PCMTD1: variants seen among roughly 807,000 people sequenced by gnomAD.
The protein encoded by PCMTD1 is protein-L-isoaspartate (D-aspartate) O-methyltransferase domain containing 1, also known as protein-L-isoaspartate O-methyltransferase domain-containing protein 1.
PCMTD1 carries 12 observed loss-of-function variants against 37.6 expected under a neutral mutation model. The ratio of observed to expected loss-of-function variants is 0.32; its 90% CI spans 0.20 to 0.52. The LOEUF (loss-of-function observed/expected upper bound fraction) is 0.52. Ranked by LOEUF, PCMTD1 falls within the 20% of genes least tolerant of loss-of-function variation. The pLI, the probability that PCMTD1 is intolerant of heterozygous loss-of-function variation, is 0.97. For missense variants in PCMTD1, 235 were observed against 421.3 expected (o/e 0.56, Z 3.87); for synonymous variants, 117 against 135.8 (o/e 0.86, Z 0.96).
At chr8:51,851,811 C>T (rs1013966155) in intron 2 of PCMTD1, among the ~76,000 whole-genome samples, 1 of 152,006 alleles carries the variant, frequency 6.6e-6, no homozygotes, top group Admixed American at 6.6e-5. Context: ...CCACCACGCC[C>T]GGCTAATCTG....
intron 3 of PCMTD1, among the ~76,000 whole-genome samples, chr8:51,839,888 G>C (rs537780456): frequency 6.6e-6 from 1 of 152,158 alleles, no homozygotes; most frequent in African/African-American, 2.4e-5. Flanking sequence ...TACACATTTT[G>C]AGTTTTAAGA....
At chr8:51,859,026 T>C (rs1273912958) in intron 2 of PCMTD1, among the ~76,000 whole-genome samples, 3 of 152,180 alleles carry the variant, frequency 2.0e-5, no homozygotes, top group African/African-American at 7.2e-5. Flanking sequence ...GCAACCTCAC[T>C]GCTGGCAAGA....
intron 1 of PCMTD1, among the ~76,000 whole-genome samples, chr8:51,880,038 A>T (rs374522377): frequency 0.013 from 1,963 of 148,398 alleles, 33 homozygotes; most frequent in Middle Eastern, 0.045. Flanking sequence ...AAAAAAGTTT[A>T]AAAAAAAAAA....
intron 5 of PCMTD1, among the ~76,000 whole-genome samples, chr8:51,827,915 C>A (rs1004947236): frequency 6.6e-6 from 1 of 152,100 alleles, no homozygotes; most frequent in Non-Finnish European, 1.5e-5. Context: ...GGCAGTCTTA[C>A]CAGCTACTCA....
In PCMTD1 at chr8:51,861,230, C is replaced by A; in HGVS notation, c.-79G>T. On this transcript the variant is annotated 5_prime_UTR_variant, in exon 2 of 6. Transcript: ENST00000522514. ...TGGCTTCCAATATTGCACTTGATTT[C>A]CAAAAATAAATTAATCCTGGAAGGG... 4.1e-6 allele frequency: 6 copies of A among 1,456,548 alleles called. No homozygotes were observed. Among genetic ancestry groups the A allele is most frequent in the Non-Finnish European group, 5.5e-6 (6 of 1,100,478 alleles). The allele number at this position is 1,456,548 out of a possible 1,614,324, so 90.2% of individuals were successfully genotyped here.
At chr8:51,895,709 G>A (rs1232959277) in intron 1 of PCMTD1, among the ~76,000 whole-genome samples, 1 of 152,036 alleles carries the variant, frequency 6.6e-6, no homozygotes, top group Non-Finnish European at 1.5e-5. Context: ...GTCTTTAGGG[G>A]GCTGAAATAT....
At chr8:51,837,189 C>G (rs2038081177) in intron 3 of PCMTD1, among the ~76,000 whole-genome samples, 1 of 152,002 alleles carries the variant, frequency 6.6e-6, no homozygotes, top group Admixed American at 6.6e-5. Flanking sequence ...ATTATTAATA[C>G]AAAGGATAAC....
chr8:51,821,923 G>C (rs2037854576), intron 5 of PCMTD1, among the ~76,000 whole-genome samples: 1 of 152,168 alleles, frequency 6.6e-6, no homozygotes, highest in African/African-American at 2.4e-5. Context: ...TTTTAGTACA[G>C]ATGGGGTTTC....
At chr8:51,846,782 G>A (rs761142082) in intron 2 of PCMTD1, among the ~76,000 whole-genome samples, 1 of 152,124 alleles carries the variant, frequency 6.6e-6, no homozygotes. Context: ...TGTTGAAACA[G>A]TACATGTAAA....
chr8:51,891,569 CA>C (rs890871348), intron 1 of PCMTD1, among the ~76,000 whole-genome samples: 13 of 148,672 alleles, frequency 8.7e-5, no homozygotes, highest in African/African-American at 3.2e-4. Context: ...AAAAAGAAAA[CA>C]AAAAAACACT....
intron 1 of PCMTD1, among the ~76,000 whole-genome samples, chr8:51,881,724 A>T (rs186973336): frequency 6.6e-6 from 1 of 152,314 alleles, no homozygotes; most frequent in East Asian, 1.9e-4. Context: ...CATTTTACAA[A>T]GAAAAAAATT....
intron 2 of PCMTD1, chr8:51,849,277 T>C (rs1285571289): frequency 6.6e-6 from 1 of 151,958 alleles, no homozygotes; most frequent in Non-Finnish European, 1.5e-5. Context: ...AATGTTCAAA[T>C]AAATAAACAA....
intron 1 of PCMTD1, among the ~76,000 whole-genome samples, chr8:51,898,664 C>G (rs1433211498): frequency 6.6e-6 from 1 of 152,052 alleles, no homozygotes; most frequent in African/African-American, 2.4e-5. Flanking sequence ...ACCCCGGCTC[C>G]CGACCTCCAG....
intron 4 of PCMTD1, among the ~76,000 whole-genome samples, chr8:51,833,298 C>A (rs992433232): frequency 1.3e-5 from 2 of 152,176 alleles, no homozygotes; most frequent in African/African-American, 4.8e-5. Context: ...GAGTTGAAAG[C>A]CCAAGTTACC....
intron 1 of PCMTD1, among the ~76,000 whole-genome samples, chr8:51,864,908 T>C (rs1350654556): frequency 1.3e-5 from 2 of 152,002 alleles, no homozygotes; most frequent in Non-Finnish European, 2.9e-5. Flanking sequence ...AAACTAAGCG[T>C]TGGTTCTTTA....
At position 51,845,747 on chromosome 8, in the gene PCMTD1, A is replaced by G; in HGVS notation, c.324T>C (p.Asn108=). The G allele has an allele frequency of 6.2e-7, 1 of 1,612,468 alleles. No homozygotes were observed. Among genetic ancestry groups the G allele is most frequent in the Non-Finnish European group, 8.5e-7 (1 of 1,179,256 alleles). The change falls in exon 3 of 6, where the codon AAT becomes AAC. Residue 108 remains asparagine, a synonymous_variant. Coordinates refer to ENST00000522514, the MANE Select transcript of PCMTD1 (RefSeq NM_052937.4). ...VGLILGPFGI[N]HGIELHSDVV... is the part of the protein sequence containing the mutation. ...CATCTGAATGAAGCTCAATCCCATG[A>G]TTTATTCCAAAAGGACCTGCAATCG...
At chr8:51,865,591 T>C (rs1251553106) in intron 1 of PCMTD1, among the ~76,000 whole-genome samples, 2 of 151,998 alleles carry the variant, frequency 1.3e-5, no homozygotes, top group Non-Finnish European at 2.9e-5. Context: ...ATCATTTCAA[T>C]AGATGCAGAA....
chr8:51,879,976 A>G (rs1157360467), intron 1 of PCMTD1, among the ~76,000 whole-genome samples: 1 of 152,054 alleles, frequency 6.6e-6, no homozygotes, highest in African/African-American at 2.4e-5. Flanking sequence ...TGAGGCCAGG[A>G]GTTAGAGATC....
At chr8:51,885,944 A>G (rs2129293718) in intron 1 of PCMTD1, among the ~76,000 whole-genome samples, 1 of 152,338 alleles carries the variant, frequency 6.6e-6, no homozygotes, top group Admixed American at 6.5e-5. Context: ...CTCCTTTAAC[A>G]ACTAGTGAGC....
Sources: allele counts gnomAD v4.1 joint callset (sites outside exome capture counted in the v4.1 genomes callset), GRCh38; gene constraint gnomAD v4.1.1; transcripts MANE v1.5; gene names NCBI Gene and HGNC (gene_info 2026-07-23, HGNC 2026-07-21).